The following ATP6V0A1 variants were observed in gnomAD, a reference collection of about 807,000 sequenced individuals.
ATP6V0A1 encodes V-type proton ATPase 116 kDa subunit a 1.
ATP6V0A1 carries 43 observed loss-of-function variants against 105.4 expected under a neutral mutation model. The ratio of observed to expected loss-of-function variants is 0.41; its 90% CI spans 0.32 to 0.53. ATP6V0A1 has a LOEUF of 0.53. Among genes scored for constraint, ATP6V0A1 ranks in the 20% least tolerant of loss-of-function variants. The pLI is 0.30. For missense variants in ATP6V0A1, 676 were observed against 1,051.1 expected (o/e 0.64, Z 4.93); for synonymous variants, 362 against 372.8 (o/e 0.97, Z 0.33).
In ATP6V0A1 at chr17:42,494,435, AGG is replaced by A. The variant is rs2090964822; in HGVS notation, c.1278_1279del (p.Ser428ProfsTer8). The A allele has an allele frequency of 6.2e-7, 1 of 1,613,790 alleles. No homozygotes were observed. The highest frequency in any genetic ancestry group is 1.3e-5 in the African/African-American group (1 of 74,856). On this transcript the variant is annotated frameshift_variant, in exon 12 of 22. Coordinates refer to ENST00000343619, the MANE Select transcript of ATP6V0A1 (RefSeq NM_001130021.3). LOFTEE classifies it high-confidence loss of function. ...MTLFAVWMVLRESRILSQKNE... is the reference protein window; with the variant it reads ...MTLFAVWMVLXESRILSQKNE... The stretch of plus-strand genomic sequence containing the variant: ...CCTTTTTGCTGTGTGGATGGTACTG[AGG>A]GAGAGCCGGATCCTTTCCCAGAAGA...
At chr17:42,462,044 CAAAAAAAA>C (rs1040242459) in intron 2 of ATP6V0A1, among the ~76,000 whole-genome samples, 209 of 52,900 alleles carry the variant, frequency 4.0e-3, no homozygotes, top group African/African-American at 0.014. Flanking sequence ...CCGTCTCTGC[CAAAAAAAA>C]AAAAAAAAAA....
At chr17:42,517,892 A>G (rs935583074) in intron 21 of ATP6V0A1, 3 of 152,256 alleles carry the variant, frequency 2.0e-5, no homozygotes, top group African/African-American at 7.2e-5. Flanking sequence ...AGTGGGGACA[A>G]TAAGAAAAAC....
chr17:42,487,132 G>A (rs997968079), intron 9 of ATP6V0A1, 23 bp from the exon 10 acceptor site: 10 of 1,612,536 alleles, frequency 6.2e-6, no homozygotes, highest in African/African-American at 5.3e-5. Flanking sequence ...AGGATCCCTC[G>A]CTTGTTCCTT....
chr17:42,492,372 T>C (rs958522765), intron 11 of ATP6V0A1, among the ~76,000 whole-genome samples: 1 of 150,598 alleles, frequency 6.6e-6, no homozygotes, highest in African/African-American at 2.4e-5. Flanking sequence ...GCCCATTTAA[T>C]GTAAGGGGCA....
At chr17:42,492,431 G>T (rs2090738948) in intron 11 of ATP6V0A1, among the ~76,000 whole-genome samples, 2 of 150,712 alleles carry the variant, frequency 1.3e-5, no homozygotes, top group African/African-American at 4.9e-5. Context: ...GCTGGGCCAG[G>T]TGTGGTGGCT....
chr17:42,460,996 G>A lies in ATP6V0A1; in HGVS notation c.102G>A (p.Lys34=). The A allele has an allele frequency of 1.9e-6, 3 of 1,613,906 alleles. No homozygotes were observed. In the East Asian group the frequency reaches 6.7e-5, roughly 36 times the overall value. The part of the protein sequence containing the change: ...CCVSELGELG[K]VQFRDLNPDV... Reference sequence around the variant, plus strand: ...TCAGTGAATTAGGAGAACTTGGAAAGGTTCAGTTTCGTGACGTAAGTAGTT... The same window carrying A: ...TCAGTGAATTAGGAGAACTTGGAAAAGTTCAGTTTCGTGACGTAAGTAGTT... The change falls in exon 2 of 22, where the codon AAG becomes AAA. Residue 34 remains lysine (K), a synonymous_variant. Transcript: ENST00000343619.
At chr17:42,519,053 A>C (rs1027875884) in intron 21 of ATP6V0A1, 2 of 152,386 alleles carry the variant, frequency 1.3e-5, no homozygotes, top group Non-Finnish European at 2.9e-5. Context: ...AAGATGTCCC[A>C]GTTCTGGCCG....
At chr17:42,504,769 G>A (rs1161883952) in intron 17 of ATP6V0A1, among the ~76,000 whole-genome samples, 2 of 152,150 alleles carry the variant, frequency 1.3e-5, no homozygotes, top group African/African-American at 4.8e-5. Flanking sequence ...GGTGCACTTG[G>A]CTAGAGAATG....
chr17:42,490,419 C>T (rs770881013), intron 10 of ATP6V0A1, 68 bp from the exon 11 acceptor site: 168 of 1,397,778 alleles, frequency 1.2e-4, no homozygotes, highest in Non-Finnish European at 1.5e-4. Flanking sequence ...AAGAAATGTA[C>T]ACCTGTGTAA....
chr17:42,508,588 T>C lies in ATP6V0A1; in HGVS notation c.2129T>C (p.Val710Ala). Residue 710 changes from valine (V) to alanine (A), a missense_variant and splice_region_variant, in exon 19 of 22, where the codon GTG (valine) becomes GCG (alanine). Physicochemically the swap from Val to Ala is moderately conservative, Grantham distance 64. Around this residue, in one of 3 missense-constraint regions of ATP6V0A1, gnomAD observed 435 missense variants for 642.2 expected, o/e 0.68. Transcript: ENST00000343619. ...GTTTTCAAGCCTTCCGAGGACGAAG[T>C]GGTAAGATGAAAGCTGGCGTTGCCT... ...EDADEPSEDE[V>A]FDFGDTMVHQ... The C allele has an allele frequency of 6.2e-7, 1 of 1,613,990 alleles. No homozygotes were observed.
intron 4 of ATP6V0A1, among the ~76,000 whole-genome samples, chr17:42,469,347 T>C (rs888207229): frequency 3.0e-4 from 43 of 141,874 alleles, no homozygotes; most frequent in South Asian, 1.1e-3. Flanking sequence ...TTTTTTTTTT[T>C]CCAGACAGAG....
intron 2 of ATP6V0A1, among the ~76,000 whole-genome samples, chr17:42,463,530 G>A (rs1437575703): frequency 6.6e-6 from 1 of 152,104 alleles, no homozygotes; most frequent in African/African-American, 2.4e-5. Flanking sequence ...ATTGCCGAAC[G>A]GTAAGTAGTT....
At chr17:42,470,640 C>A (rs1230159750) in intron 5 of ATP6V0A1, 1 of 166,316 alleles carries the variant, frequency 6.0e-6, no homozygotes, top group Non-Finnish European at 1.3e-5. Flanking sequence ...TCTATGTTTG[C>A]TTATAAACCT....
At chr17:42,486,403 T>C (rs2090118450) in intron 9 of ATP6V0A1, among the ~76,000 whole-genome samples, 1 of 151,568 alleles carries the variant, frequency 6.6e-6, no homozygotes, top group Non-Finnish European at 1.5e-5. Context: ...AGAGCGAGAC[T>C]CCATCTCAAA....
At chr17:42,508,624 C>T (rs764139100) in intron 19 of ATP6V0A1, 35 bp downstream of exon 19, 2 of 1,613,580 alleles carry the variant, frequency 1.2e-6, no homozygotes, top group African/African-American at 1.3e-5. Flanking sequence ...TCGTGTTTAT[C>T]CGGGCTTCTC....
At chr17:42,476,416 A>C (rs1483095746) in intron 5 of ATP6V0A1, among the ~76,000 whole-genome samples, 1 of 152,140 alleles carries the variant, frequency 6.6e-6, no homozygotes, top group African/African-American at 2.4e-5. Context: ...GGTAGAATCA[A>C]ATTGAAATTT....
intron 2 of ATP6V0A1, 50 bp downstream of exon 2, chr17:42,461,061 T>C: frequency 6.8e-7 from 1 of 1,479,462 alleles, no homozygotes; most frequent in Non-Finnish European, 9.5e-7. Context: ...TCTATTGCTA[T>C]CGTGGTCAGA....
intron 11 of ATP6V0A1, 88 bp from the exon 12 acceptor site, chr17:42,494,246 G>C (rs778893425): frequency 2.2e-6 from 3 of 1,344,998 alleles, no homozygotes; most frequent in Non-Finnish European, 3.0e-6. Context: ...AAAAAAAAAG[G>C]GGGGTGGGTA....
chr17:42,487,539 A>G (rs2090217704), intron 10 of ATP6V0A1, among the ~76,000 whole-genome samples, 172 bp downstream of exon 10: 1 of 152,146 alleles, frequency 6.6e-6, no homozygotes. Context: ...CATCCTGGCT[A>G]ACACGGTGAA....
Sources: gnomAD v4.1 joint callset for allele counts (sites outside exome capture counted in the v4.1 genomes callset) on GRCh38, gnomAD v4.1.1 for gene constraint, gnomAD v4.1.1 regional missense constraint, MANE v1.5 for transcripts, NCBI Gene and HGNC (gene_info 2026-07-23, HGNC 2026-07-21) for gene names.